Variants in NPIPB2 observed in about 807,000 individuals in gnomAD.
NPIPB2 encodes the protein nuclear pore complex-interacting protein family member B2.
In NPIPB2, 27 loss-of-function variants were observed where a neutral mutation model predicts 30.8. The observed-to-expected ratio is 0.88, with a 90% CI of 0.65 to 1.21. The LOEUF is 1.21. NPIPB2 is among the 50% of genes most tolerant of loss of function. The pLI is 0.00. For synonymous variants in NPIPB2, 147 were observed against 162.0 expected (o/e 0.91, Z 0.70); for missense variants, 440 against 446.2 (o/e 0.99, Z 0.13).
intron 1 of NPIPB2, among the ~76,000 whole-genome samples, chr16:11,970,255 C>T (rs953907146): frequency 6.6e-6 from 1 of 152,128 alleles, no homozygotes; most frequent in Admixed American, 6.6e-5. Flanking sequence ...CTCTGTCGCC[C>T]AGGCTGGAAT....
intron 1 of NPIPB2, among the ~76,000 whole-genome samples, chr16:11,973,148 A>G (rs2055246068): frequency 7.0e-6 from 1 of 143,794 alleles, no homozygotes; most frequent in East Asian, 2.1e-4. Context: ...CCTGGGCAAC[A>G]AGAGTGAAAC....
chr16:11,950,256 G>C (rs2150926585), intron 1 of NPIPB2, among the ~76,000 whole-genome samples: 1 of 152,168 alleles, frequency 6.6e-6, no homozygotes, highest in South Asian at 2.1e-4. Context: ...GGCTTGTCTT[G>C]AACTCCTGAC....
chr16:11,937,455 G>A, intron 2 of NPIPB2, 85 bp downstream of exon 2: 1 of 795,174 alleles, frequency 1.3e-6, no homozygotes, highest in Non-Finnish European at 1.9e-6. Flanking sequence ...TATTCATAAT[G>A]AAGTCCAGAA....
chr16:11,965,662 T>C (rs2055187668), intron 1 of NPIPB2, among the ~76,000 whole-genome samples: 2 of 152,096 alleles, frequency 1.3e-5, no homozygotes, highest in Admixed American at 6.5e-5. Flanking sequence ...ATTAGCAACA[T>C]AGATTTTTTT....
In NPIPB2 at chr16:11,941,703, C is replaced by T. The variant is rs575253429; in HGVS notation, c.63+280G>A. On this transcript the variant is annotated intron_variant, in intron 1 of 7. Transcript: ENST00000399147. ...CCCTCTCCACCAATCCCTGATGACC[C>T]CGGTGGTGCCTCACAATGGACGTGC... The T allele has an allele frequency of 1.3e-3, 893 of 710,478 alleles. 2 individuals are homozygous for T. Among genetic ancestry groups the T allele is most frequent in the Non-Finnish European group, 2.1e-3 (826 of 402,776 alleles). The allele number at this position is 710,478 out of a possible 1,614,324, so 44.0% of individuals were successfully genotyped here. A position where few individuals can be genotyped will look rare whatever the true frequency, so the allele number is the denominator to read the frequency against.
Position 11,927,832 on chromosome 16 carries a change from G to C in NPIPB2, c.735C>G (p.Tyr245Ter). Reference sequence around the variant, plus strand: ...AAGTTTCAGCTGTGAGGTAGGGCCAGTAGGGCAATCCTGAAGAATGACGAT... The same window carrying C: ...AAGTTTCAGCTGTGAGGTAGGGCCACTAGGGCAATCCTGAAGAATGACGAT... The change falls in exon 8 of 8, where the codon TAC (tyrosine) becomes TAG (stop). Residue 245 changes from tyrosine (Y) to a stop codon, truncating the protein, a stop_gained. Transcript: ENST00000399147. LOFTEE classifies it low-confidence loss of function (END_TRUNC). The C allele has an allele frequency of 7.3e-7, 1 of 1,372,308 alleles. No individual in the cohort carries two copies. Among genetic ancestry groups the C allele is most frequent in the Non-Finnish European group, 1.0e-6 (1 of 1,004,368 alleles). The allele number at this position is 1,372,308 out of a possible 1,614,324, so 85.0% of individuals were successfully genotyped here.
chr16:11,975,394 G>A (rs1156930428), intron 1 of NPIPB2, among the ~76,000 whole-genome samples: 2 of 150,652 alleles, frequency 1.3e-5, no homozygotes, highest in African/African-American at 2.4e-5. Context: ...TGATCCGCCC[G>A]CCTCGGCCTC....
chr16:11,961,778 TAAAAAAAAA>T (rs760800876), intron 1 of NPIPB2, among the ~76,000 whole-genome samples: 1 of 125,562 alleles, frequency 8.0e-6, no homozygotes, highest in African/African-American at 3.0e-5. Flanking sequence ...AGACCCTGTT[TAAAAAAAAA>T]AAAAAAAAAG....
chr16:11,974,915 A>C (rs1596511113), intron 1 of NPIPB2, among the ~76,000 whole-genome samples: 1 of 151,772 alleles, frequency 6.6e-6, no homozygotes, highest in East Asian at 2.0e-4. Flanking sequence ...CTACTAAAAA[A>C]ATACAAAAAA....
chr16:11,933,490 C>G lies in NPIPB2; in HGVS notation c.488+27G>C, dbSNP rs764479108. 46 of 1,596,504 alleles carry G rather than the reference C, an allele frequency of 2.9e-5. No homozygotes were observed. In the African/African-American group the frequency reaches 5.7e-4, roughly 20 times the overall value. The stretch of plus-strand genomic sequence containing the variant: ...TTTGATTGGCACATGGTTCATACAA[C>G]AATATTTGTGTCAAGGCACATCTTA... On this transcript the variant is annotated intron_variant, in intron 4 of 7. Coordinates refer to ENST00000399147, the Ensembl canonical transcript of NPIPB2.
chr16:11,933,065 A>G (rs1478818326), intron 4 of NPIPB2, among the ~76,000 whole-genome samples: 1 of 151,708 alleles, frequency 6.6e-6, no homozygotes, highest in Non-Finnish European at 1.5e-5. Context: ...GTTCGAGACC[A>G]GCCTGGACAA....
At chr16:11,966,900 G>C (rs2055198644) in intron 1 of NPIPB2, 3 of 153,002 alleles carry the variant, frequency 2.0e-5, no homozygotes, top group Middle Eastern at 3.4e-3. Flanking sequence ...TGCCTCTTAA[G>C]ATAAAAATAC....
intron 1 of NPIPB2, chr16:11,941,311 G>C (rs1382238245): frequency 1.7e-6 from 2 of 1,155,360 alleles, no homozygotes; most frequent in Admixed American, 4.9e-5. Flanking sequence ...GGCAGGGGGA[G>C]GGAAGGGGAC....
At chr16:11,942,197 C>A, upstream of NPIPB2, 1 of 925,508 alleles carries the variant, frequency 1.1e-6, no homozygotes, top group Non-Finnish European at 1.6e-6. Flanking sequence ...TTATTTTGTT[C>A]CAGCAAATCT....
At chr16:11,956,885 T>C (rs1330580365) in intron 1 of NPIPB2, among the ~76,000 whole-genome samples, 1 of 152,238 alleles carries the variant, frequency 6.6e-6, no homozygotes, top group Non-Finnish European at 1.5e-5. Context: ...ACAGGTACCC[T>C]GCTGACCAGG....
intron 4 of NPIPB2, among the ~76,000 whole-genome samples, chr16:11,933,009 C>T (rs2054811618): frequency 6.6e-6 from 1 of 150,752 alleles, no homozygotes; most frequent in South Asian, 2.1e-4. Context: ...GCCTCTAATC[C>T]CAGCACTTTG....
intron 1 of NPIPB2, among the ~76,000 whole-genome samples, chr16:11,969,073 G>C (rs950689346): frequency 6.6e-6 from 1 of 151,716 alleles, no homozygotes; most frequent in African/African-American, 2.4e-5. Context: ...CACTGTGTTG[G>C]TCAGGCTGGT....
intron 1 of NPIPB2, among the ~76,000 whole-genome samples, chr16:11,955,218 G>A (rs895024395): frequency 2.0e-5 from 3 of 151,750 alleles, no homozygotes; most frequent in African/African-American, 4.8e-5. Context: ...GCTGGCCGTC[G>A]TGGCACATGC....
rs1226047972 is a variant in NPIPB2 at position 11,951,666 on chromosome 16, A to ACACACACCCCCC, written c.-583-9553_-583-9552insGGGGGGTGTGTG. On this transcript the variant is annotated intron_variant, in intron 1 of 5. Coordinates refer to the NPIPB2 transcript ENST00000538896. ...CACACACACACACACACACACACACACCCAGCCCCCAAACAACAAAATTCA... is the reference window on the plus strand; with the variant it reads ...CACACACACACACACACACACACACACACACACCCCCCCCCAGCCCCCAAACAACAAAATTCA... 1.1e-4 allele frequency among the ~76,000 whole-genome samples: 15 copies of ACACACACCCCCC among 138,960 alleles called. No homozygotes were observed. In the East Asian group the frequency reaches 1.2e-3, roughly 11 times the overall value. 91.2% of individuals were successfully genotyped at this position (138,960 alleles called of 152,430 possible).
Sources: gnomAD v4.1 joint callset for allele counts (sites outside exome capture counted in the v4.1 genomes callset) on GRCh38, gnomAD v4.1.1 for gene constraint, MANE v1.5 for transcripts, NCBI Gene and HGNC (gene_info 2026-07-23, HGNC 2026-07-21) for gene names.